HIVEP3: variants seen among roughly 807,000 people sequenced by gnomAD.
HIVEP3 encodes the protein HIVEP zinc finger 3.
HIVEP3 carries 49 observed loss-of-function variants against 152.8 expected under a neutral mutation model. That is an observed-to-expected ratio of 0.32 (90% CI 0.26 to 0.41). The LOEUF is 0.41. Ranked by LOEUF, HIVEP3 falls within the 10% of genes least tolerant of loss-of-function variation. The pLI is 1.00. For missense variants in HIVEP3, 2,790 were observed against 3,103.3 expected, an observed-to-expected ratio of 0.90 and a Z score of 2.40; for synonymous variants, 1,269 against 1,289.0, an observed-to-expected ratio of 0.98 and a Z score of 0.33.
intron 2 of HIVEP3, among the ~76,000 whole-genome samples, chr1:41,645,797 C>T (rs945385273): frequency 6.6e-6 from 1 of 152,146 alleles, no homozygotes; most frequent in East Asian, 1.9e-4. Flanking sequence ...AGAGAGTGAA[C>T]CTGCCCTGCA....
chr1:41,733,528 T>A (rs991922572), intron 1 of HIVEP3, among the ~76,000 whole-genome samples: 2 of 152,130 alleles, frequency 1.3e-5, no homozygotes, highest in Non-Finnish European at 2.9e-5. Context: ...CCCTCAAAGC[T>A]CACCTGAGAG....
At chr1:41,670,957 A>G (rs1277113810) in intron 2 of HIVEP3, among the ~76,000 whole-genome samples, 1 of 152,206 alleles carries the variant, frequency 6.6e-6, no homozygotes, top group Admixed American at 6.5e-5. Context: ...TCAGGCAGAT[A>G]ATAGGAGAGC....
At chr1:41,681,246 G>A (rs1028243114) in intron 2 of HIVEP3, among the ~76,000 whole-genome samples, 1 of 152,090 alleles carries the variant, frequency 6.6e-6, no homozygotes, top group African/African-American at 2.4e-5. Flanking sequence ...GGTGTGCATC[G>A]CCATGCCCAG....
At chr1:41,674,997 C>T (rs56044825) in intron 2 of HIVEP3, among the ~76,000 whole-genome samples, 19,906 of 152,090 alleles carry the variant, frequency 0.13, 2,449 homozygotes, top group African/African-American at 0.33. Flanking sequence ...CTGGCACAGG[C>T]AGCCTAGAAA....
chr1:41,604,350 GAAC>G (rs1644788012), intron 3 of HIVEP3, among the ~76,000 whole-genome samples: 2 of 152,052 alleles, frequency 1.3e-5, no homozygotes, highest in South Asian at 4.1e-4. Context: ...TAATAAAAAA[GAAC>G]AAAGTACTGC....
chr1:41,636,796 TA>T (rs1247091799), intron 2 of HIVEP3, among the ~76,000 whole-genome samples: 1 of 152,096 alleles, frequency 6.6e-6, no homozygotes, highest in Non-Finnish European at 1.5e-5. Context: ...CCGTCTCTAC[TA>T]AAAATACAAA....
intron 1 of HIVEP3, among the ~76,000 whole-genome samples, chr1:41,764,380 C>T (rs533708142): frequency 2.0e-5 from 3 of 152,094 alleles, no homozygotes; most frequent in Admixed American, 6.5e-5. Flanking sequence ...ATCGTAGGAG[C>T]GGATTTAACT....
rs760798020 is a variant in HIVEP3 at position 41,583,795 on chromosome 1, G to A, written c.1003C>T (p.Leu335Phe). 6.9e-6 allele frequency: 11 copies of A among 1,593,414 alleles called. No homozygotes were observed. The highest frequency in any genetic ancestry group is 8.6e-6 in the Non-Finnish European group (10 of 1,169,204). ...TCCACAAATGGAGGGGGGTCTTCGA[G>A]TGACTGGGCTGTGCTGGACTGGGAC... ...SLSQSSTAQS[L>F]EDPPPFVEPS... The change falls in exon 4 of 9, where the codon CTC (leucine) becomes TTC (phenylalanine). Residue 335 changes from leucine to phenylalanine, a missense_variant. Physicochemically the swap from Leu to Phe is conservative, Grantham distance 22 (BLOSUM62 0). This residue lies in a region of HIVEP3 where 125 missense variants were observed against 130.1 expected (regional missense o/e 0.96). Coordinates refer to ENST00000372583, the MANE Select transcript of HIVEP3 (RefSeq NM_024503.5). The surrounding 1 kb of genome is among the most constrained non-coding windows in gnomAD (Gnocchi z 6.9).
At chr1:41,842,941 G>T (rs1161735756) in intron 1 of HIVEP3, among the ~76,000 whole-genome samples, 1 of 152,166 alleles carries the variant, frequency 6.6e-6, no homozygotes, top group African/African-American at 2.4e-5. Flanking sequence ...TTCCAGAAAT[G>T]AGGCTTCAGT....
At chr1:41,572,111 T>C (rs1351388646) in intron 5 of HIVEP3, among the ~76,000 whole-genome samples, 1 of 152,144 alleles carries the variant, frequency 6.6e-6, no homozygotes, top group Non-Finnish European at 1.5e-5. Context: ...AAGGAGATGC[T>C]GTTGGTGGGA....
At chr1:41,868,544 C>G (rs1644023732) in intron 1 of HIVEP3, among the ~76,000 whole-genome samples, 1 of 152,166 alleles carries the variant, frequency 6.6e-6, no homozygotes, top group South Asian at 2.1e-4. Flanking sequence ...TTATATTCAA[C>G]CCTAAAGCAA....
At chr1:41,871,906 A>AT (rs2124414533) in intron 1 of HIVEP3, among the ~76,000 whole-genome samples, 1 of 152,372 alleles carries the variant, frequency 6.6e-6, no homozygotes, top group South Asian at 2.1e-4. Flanking sequence ...ATACTGAGTC[A>AT]TTTTTTAAAG....
At chr1:41,672,635 G>C (rs919375517) in intron 2 of HIVEP3, among the ~76,000 whole-genome samples, 3 of 152,184 alleles carry the variant, frequency 2.0e-5, no homozygotes, top group African/African-American at 7.2e-5. Context: ...ATTTGTGATT[G>C]ATCACACAGC....
At chr1:41,619,015 G>A (rs896187428) in intron 3 of HIVEP3, among the ~76,000 whole-genome samples, 5 of 144,796 alleles carry the variant, frequency 3.5e-5, no homozygotes, top group Non-Finnish European at 3.0e-5. Context: ...TGCTGCCCCC[G>A]CCCCCTCCAG....
chr1:41,954,055 G>A (rs778109133), intron 1 of HIVEP3, among the ~76,000 whole-genome samples: 15 of 152,102 alleles, frequency 9.9e-5, no homozygotes, highest in African/African-American at 3.6e-4. Flanking sequence ...CAGACCACCC[G>A]AGGTGACACA....
chr1:42,010,653 A>G (rs756459786), intron 1 of HIVEP3, among the ~76,000 whole-genome samples: 1 of 152,168 alleles, frequency 6.6e-6, no homozygotes, highest in Non-Finnish European at 1.5e-5. Context: ...TGCTGGGTCT[A>G]CATCAGATAT....
chr1:41,834,266 T>C (rs542480544), intron 1 of HIVEP3, among the ~76,000 whole-genome samples: 27 of 152,102 alleles, frequency 1.8e-4, no homozygotes, highest in South Asian at 1.0e-3. Flanking sequence ...GACATCTTCA[T>C]TGACACCCCC....
At chr1:41,984,689 A>G (rs1645311785) in intron 1 of HIVEP3, among the ~76,000 whole-genome samples, 2 of 152,216 alleles carry the variant, frequency 1.3e-5, no homozygotes, top group African/African-American at 2.4e-5. Flanking sequence ...GACCACTACT[A>G]GAAAGATCTG....
intron 1 of HIVEP3, among the ~76,000 whole-genome samples, chr1:41,988,095 G>C (rs1175682066): frequency 6.6e-6 from 1 of 152,050 alleles, no homozygotes; most frequent in South Asian, 2.1e-4. Flanking sequence ...AGTCAAAATG[G>C]ATTAAAGACT....
Sources: allele counts gnomAD v4.1 joint callset (sites outside exome capture counted in the v4.1 genomes callset), GRCh38; gene constraint gnomAD v4.1.1; regional missense constraint gnomAD v4.1.1; non-coding constraint Gnocchi (gnomAD v3.1); transcripts MANE v1.5; gene names NCBI Gene and HGNC (gene_info 2026-07-23, HGNC 2026-07-21).